MED27: variants seen among roughly 807,000 people sequenced by gnomAD.
MED27 encodes mediator complex subunit 27.
A neutral mutation model predicts 38.2 loss-of-function variants in MED27; 30 were observed. That is an observed-to-expected ratio of 0.79 (90% CI 0.59 to 1.07). The LOEUF (loss-of-function observed/expected upper bound fraction) is 1.07. Ranked by LOEUF, MED27 falls within the 50% of genes least tolerant of loss-of-function variation. The pLI, the probability that MED27 is intolerant of heterozygous loss-of-function variation, is 0.00. For missense variants in MED27, 289 were observed against 397.5 expected (o/e 0.73, Z 2.32); for synonymous variants, 122 against 153.5 (o/e 0.79, Z 1.52).
chr9:131,861,705 C>T lies in MED27; in HGVS notation c.802-1033G>A, dbSNP rs185443745. Reference sequence around the variant, plus strand: ...CCTCAAATCAATCAATCAACAGATTCGTATTAATTAGCTGGTGTGGGCTGA... The same window carrying T: ...CCTCAAATCAATCAATCAACAGATTTGTATTAATTAGCTGGTGTGGGCTGA... On this transcript the variant is annotated intron_variant, in intron 7 of 7. Coordinates refer to ENST00000292035, the MANE Select transcript of MED27 (RefSeq NM_004269.4). This position sits in a 1 kb window ranked among gnomAD's most constrained non-coding sequence, Gnocchi z 4.4. 3.7e-3 allele frequency among the ~76,000 whole-genome samples: 563 copies of T among 152,006 alleles called. 4 individuals carry two copies. The highest frequency in any genetic ancestry group is 5.0e-3 in the Non-Finnish European group (343 of 67,994).
At chr9:131,966,383 C>CAAAAAAAAAAAAAA (rs749607968) in intron 3 of MED27, among the ~76,000 whole-genome samples, 2,281 of 36,550 alleles carry the variant, frequency 0.062, 395 homozygotes, top group East Asian at 0.16. Context: ...GACCCTGTCA[C>CAAAAAAAAAAAAAA]AAAAAAAAAA....
chr9:131,922,927 G>A (rs1315064753), intron 4 of MED27, among the ~76,000 whole-genome samples: 2 of 152,086 alleles, frequency 1.3e-5, no homozygotes, highest in Non-Finnish European at 2.9e-5. Flanking sequence ...GTCCTTTGAT[G>A]TGTCCCTATC....
chr9:131,936,903 G>A (rs12347772), intron 4 of MED27, among the ~76,000 whole-genome samples: 6,254 of 152,312 alleles, frequency 0.041, 452 homozygotes, highest in African/African-American at 0.14. Context: ...GGTAAAGGAA[G>A]GTGTCAGCTG....
intron 4 of MED27, among the ~76,000 whole-genome samples, chr9:131,897,199 G>GT (rs1829846260): frequency 6.6e-6 from 1 of 152,176 alleles, no homozygotes; most frequent in African/African-American, 2.4e-5. Context: ...TTACTTCCAA[G>GT]TTTCCCCTAA....
intron 5 of MED27, among the ~76,000 whole-genome samples, chr9:131,893,430 T>C (rs922051223): frequency 1.6e-4 from 25 of 152,200 alleles, no homozygotes; most frequent in African/African-American, 5.6e-4. Context: ...GTATTCAATA[T>C]ATGCTGCTGT....
At chr9:132,074,071 A>G (rs1380050136) in intron 2 of MED27, among the ~76,000 whole-genome samples, 5 of 152,246 alleles carry the variant, frequency 3.3e-5, no homozygotes, top group Admixed American at 2.6e-4. Flanking sequence ...TACATTGACT[A>G]TTTTATAGCA....
intron 2 of MED27, among the ~76,000 whole-genome samples, chr9:132,042,698 G>T (rs559029218): frequency 6.6e-6 from 1 of 152,284 alleles, no homozygotes; most frequent in South Asian, 2.1e-4. Context: ...TTATTTCACT[G>T]GGCTTCACTT....
At chr9:131,957,779 C>A (rs1831133758) in intron 3 of MED27, among the ~76,000 whole-genome samples, 2 of 151,844 alleles carry the variant, frequency 1.3e-5, no homozygotes, top group Admixed American at 6.6e-5. Context: ...CATATATGAA[C>A]TCTCAAAAGA....
chr9:131,865,903 T>C (rs769287135), intron 6 of MED27, among the ~76,000 whole-genome samples: 1 of 152,198 alleles, frequency 6.6e-6, no homozygotes, highest in Non-Finnish European at 1.5e-5. Flanking sequence ...ACTGTGAAGA[T>C]CAAAGGGGGC....
At chr9:132,025,389 T>C (rs1021165858) in intron 2 of MED27, among the ~76,000 whole-genome samples, 1 of 152,142 alleles carries the variant, frequency 6.6e-6, no homozygotes, top group African/African-American at 2.4e-5. Context: ...TCCATGTTGG[T>C]AAGGCTGGTC....
At chr9:132,006,206 T>G (rs1832355581) in intron 3 of MED27, among the ~76,000 whole-genome samples, 1 of 152,152 alleles carries the variant, frequency 6.6e-6, no homozygotes, top group African/African-American at 2.4e-5. Flanking sequence ...GGGCGACATC[T>G]CTGCCCACCA....
At chr9:132,069,501 C>T (rs1589301974) in intron 2 of MED27, among the ~76,000 whole-genome samples, 1 of 152,142 alleles carries the variant, frequency 6.6e-6, no homozygotes, top group Non-Finnish European at 1.5e-5. Context: ...TCACAAGAGG[C>T]GAATGCTGTC....
intron 3 of MED27, among the ~76,000 whole-genome samples, chr9:131,969,968 G>C (rs975885074): frequency 3.4e-5 from 5 of 148,098 alleles, no homozygotes; most frequent in Admixed American, 6.6e-5. Flanking sequence ...TGGAGGGCTG[G>C]GGGGGGGTGG....
At chr9:132,027,180 C>G (rs1389073738) in intron 2 of MED27, among the ~76,000 whole-genome samples, 4 of 152,194 alleles carry the variant, frequency 2.6e-5, no homozygotes, top group Non-Finnish European at 5.9e-5. Context: ...AACGACTGCT[C>G]TTATTATCCA....
chr9:131,868,779 C>T, intron 6 of MED27: 2 of 985,510 alleles, frequency 2.0e-6, no homozygotes, highest in East Asian at 1.1e-4. Flanking sequence ...CAGCAGCTGC[C>T]CGCCATCTCC....
intron 3 of MED27, among the ~76,000 whole-genome samples, chr9:131,965,195 TTATTC>T (rs1831311111): frequency 6.6e-6 from 1 of 152,192 alleles, no homozygotes; most frequent in Non-Finnish European, 1.5e-5. Flanking sequence ...GACGAACACA[TTATTC>T]ATAAAGCCTA....
chr9:132,062,309 C>T (rs766825889), intron 2 of MED27, among the ~76,000 whole-genome samples: 4 of 152,222 alleles, frequency 2.6e-5, no homozygotes, highest in Non-Finnish European at 5.9e-5. Flanking sequence ...GTGGGCAACA[C>T]GGGAGCGGGC....
chr9:131,955,143 C>T (rs939132037), intron 3 of MED27, among the ~76,000 whole-genome samples: 1 of 151,870 alleles, frequency 6.6e-6, no homozygotes, highest in Non-Finnish European at 1.5e-5. Context: ...ATAAAGAGCC[C>T]CCATATATTC....
chr9:132,015,218 T>A (rs1398690994), intron 2 of MED27, among the ~76,000 whole-genome samples: 1 of 152,194 alleles, frequency 6.6e-6, no homozygotes, highest in Non-Finnish European at 1.5e-5. Context: ...TGTATACAAA[T>A]GGATATAGGC....
Sources: allele counts gnomAD v4.1 joint callset (sites outside exome capture counted in the v4.1 genomes callset), GRCh38; gene constraint gnomAD v4.1.1; non-coding constraint Gnocchi (gnomAD v3.1); transcripts MANE v1.5; gene names NCBI Gene and HGNC (gene_info 2026-07-23, HGNC 2026-07-21).